Variants in XPR1 observed in about 807,000 individuals in gnomAD.
The protein encoded by XPR1 is xenotropic and polytropic retrovirus receptor 1, also known as solute carrier family 53 member 1.
XPR1 carries 28 observed loss-of-function variants against 87.5 expected under a neutral mutation model. The observed-to-expected ratio is 0.32, with a 90% confidence interval of 0.24 to 0.44. The LOEUF is 0.44. Ranked by LOEUF, XPR1 falls within the 20% of genes least tolerant of loss-of-function variation. XPR1 has a pLI of 1.00. For missense variants in XPR1, 559 were observed against 862.3 expected (o/e 0.65, Z 4.41); for synonymous variants, 300 against 306.1 (o/e 0.98, Z 0.21).
intron 9 of XPR1, among the ~76,000 whole-genome samples, chr1:180,830,802 A>T (rs1651030158): frequency 6.6e-6 from 1 of 152,174 alleles, no homozygotes; most frequent in African/African-American, 2.4e-5. Context: ...TGGTAATTGC[A>T]TTGGTACCTA....
At chr1:180,720,869 A>G (rs1029829370) in intron 2 of XPR1, among the ~76,000 whole-genome samples, 11 of 152,188 alleles carry the variant, frequency 7.2e-5, no homozygotes, top group African/African-American at 2.7e-4. Context: ...GCCTTTATAT[A>G]TATCTCCATA....
At chr1:180,863,934 C>T in intron 12 of XPR1, 60 bp downstream of exon 12, 1 of 1,441,872 alleles carries the variant, frequency 6.9e-7, no homozygotes, top group South Asian at 1.6e-5. Flanking sequence ...CTAGCTAATC[C>T]TGTTGCAGTA....
At chr1:180,771,932 C>CA (rs1180018019) in intron 2 of XPR1, among the ~76,000 whole-genome samples, 1 of 152,162 alleles carries the variant, frequency 6.6e-6, no homozygotes, top group Admixed American at 6.5e-5. Context: ...TCTTGTTCCT[C>CA]AAACTTTGAC....
chr1:180,824,636 T>A (rs1650762383), intron 7 of XPR1, 117 bp from the exon 8 acceptor site: 1 of 879,620 alleles, frequency 1.1e-6, no homozygotes, highest in Non-Finnish European at 1.7e-6. Context: ...AGGTTTAGGT[T>A]TTATTTATGA....
In XPR1 at chr1:180,889,262, T is replaced by C. The variant is rs764000312; in HGVS notation, c.*5196T>C. The C allele has an allele frequency of 1.3e-5, 2 of 152,194 alleles. No individual in the cohort carries two copies. Among genetic ancestry groups the C allele is most frequent in the African/African-American group, 4.8e-5 (2 of 41,448 alleles). The allele number at this position is 152,194 out of a possible 1,614,324, so 9.4% of individuals were successfully genotyped here. On this transcript the variant is annotated 3_prime_UTR_variant, in exon 15 of 15. Coordinates refer to ENST00000367590, the MANE Select transcript of XPR1 (RefSeq NM_004736.4). The stretch of plus-strand genomic sequence containing the variant: ...GGTGCCATCAACCTAAGGAGGACAA[T>C]CAAATAACCTATTGTTTGCCTTGGA...
chr1:180,722,257 G>A (rs777321892), intron 2 of XPR1, among the ~76,000 whole-genome samples: 11 of 152,002 alleles, frequency 7.2e-5, no homozygotes, highest in Non-Finnish European at 1.0e-4. Flanking sequence ...CACCACACCC[G>A]GCTAATTTTT....
At position 180,632,285 on chromosome 1, in the gene XPR1, G is replaced by A. The variant is rs745825410; in HGVS notation, c.69+15G>A. 7 of 1,609,170 alleles carry A rather than the reference G, an allele frequency of 4.4e-6. No individual in the cohort carries two copies. The highest frequency in any genetic ancestry group is 1.3e-5 in the African/African-American group (1 of 74,826). On this transcript the variant is annotated intron_variant, in intron 1 of 14. Transcript: ENST00000367590. ...TCCAGTATGAGGTACCGGCACGGCT[G>A]GGGTGTGGGAGGACTCGGAGGGGCC...
At chr1:180,783,299 T>G (rs1379042036) in intron 2 of XPR1, among the ~76,000 whole-genome samples, 1 of 152,056 alleles carries the variant, frequency 6.6e-6, no homozygotes, top group Non-Finnish European at 1.5e-5. Context: ...TATGCTGGGC[T>G]GTTTAGTTTT....
chr1:180,842,165 G>A (rs1171761301), intron 11 of XPR1, among the ~76,000 whole-genome samples: 1 of 152,136 alleles, frequency 6.6e-6, no homozygotes, highest in African/African-American at 2.4e-5. Context: ...ATTTTAGAGG[G>A]GCAAGGAGTA....
chr1:180,790,884 C>G (rs1649353140), intron 3 of XPR1, among the ~76,000 whole-genome samples: 1 of 151,996 alleles, frequency 6.6e-6, no homozygotes, highest in African/African-American at 2.4e-5. Flanking sequence ...GGTAGATTTT[C>G]TGTATGGGAA....
At chr1:180,753,786 G>A (rs1472865831) in intron 2 of XPR1, among the ~76,000 whole-genome samples, 1 of 152,168 alleles carries the variant, frequency 6.6e-6, no homozygotes, top group Non-Finnish European at 1.5e-5. Context: ...CTAGCACACT[G>A]CTAAACATAT....
intron 9 of XPR1, among the ~76,000 whole-genome samples, chr1:180,827,153 C>CAAA (rs11324246): frequency 6.6e-4 from 44 of 66,896 alleles, no homozygotes; most frequent in African/African-American, 2.0e-3. Context: ...GACTCCTTCT[C>CAAA]AAAAAAAAAA....
intron 2 of XPR1, among the ~76,000 whole-genome samples, chr1:180,745,164 C>T (rs942057589): frequency 5.9e-5 from 9 of 152,102 alleles, no homozygotes; most frequent in African/African-American, 1.4e-4. Context: ...GGTTCAGATC[C>T]GATTATGCAA....
At chr1:180,642,071 T>A (rs1314841485) in intron 1 of XPR1, among the ~76,000 whole-genome samples, 1 of 152,184 alleles carries the variant, frequency 6.6e-6, no homozygotes. Context: ...GGTAAATTAA[T>A]GATGTTATTA....
chr1:180,834,856 A>ATTTTT lies in XPR1; in HGVS notation c.1135-12_1135-8dup. On this transcript the variant is annotated splice_polypyrimidine_tract_variant and intron_variant, in intron 9 of 14. Coordinates refer to ENST00000367590, the MANE Select transcript of XPR1 (RefSeq NM_004736.4). Reference sequence around the variant, plus strand: ...ACTTTTCTTGTTTCTGTGTTTTCTGATTTTTTTTTTCTTTCAGTTTCGAGT... The same window carrying ATTTTT: ...ACTTTTCTTGTTTCTGTGTTTTCTGATTTTTTTTTTTTTTTCTTTCAGTTTCGAGT... The ATTTTT allele has an allele frequency of 6.7e-7, 1 of 1,491,296 alleles. No individual in the cohort carries two copies. The highest frequency in any genetic ancestry group is 2.4e-5 in the East Asian group (1 of 41,782). The allele number at this position is 1,491,296 out of a possible 1,614,324, so 92.4% of individuals were successfully genotyped here. A position where few individuals can be genotyped will look rare whatever the true frequency, so the allele number is the denominator to read the frequency against.
At chr1:180,670,239 C>G (rs1009256445) in intron 1 of XPR1, among the ~76,000 whole-genome samples, 1 of 152,088 alleles carries the variant, frequency 6.6e-6, no homozygotes, top group Non-Finnish European at 1.5e-5. Flanking sequence ...AAAGTAATTA[C>G]TGATACAAGG....
intron 2 of XPR1, among the ~76,000 whole-genome samples, chr1:180,699,205 CTTTCTT>C (rs1399832736): frequency 1.7e-5 from 2 of 118,702 alleles, no homozygotes; most frequent in African/African-American, 6.4e-5. Flanking sequence ...TTCTTTTATT[CTTTCTT>C]TTTTTTTTTT....
intron 3 of XPR1, among the ~76,000 whole-genome samples, chr1:180,801,858 G>A (rs1244843307): frequency 6.6e-6 from 1 of 150,406 alleles, no homozygotes; most frequent in Non-Finnish European, 1.5e-5. Context: ...TCGGCTCACT[G>A]CAGCCTCTGC....
chr1:180,643,180 G>A (rs984121825), intron 1 of XPR1, among the ~76,000 whole-genome samples: 16 of 152,138 alleles, frequency 1.1e-4, no homozygotes, highest in Non-Finnish European at 1.8e-4. Context: ...CTAGATCTTG[G>A]AGGATACTTT....
Sources: gnomAD v4.1 joint callset for allele counts (sites outside exome capture counted in the v4.1 genomes callset) on GRCh38, gnomAD v4.1.1 for gene constraint, MANE v1.5 for transcripts, NCBI Gene and HGNC (gene_info 2026-07-23, HGNC 2026-07-21) for gene names.